GPRC6A: variants seen among roughly 807,000 people sequenced by gnomAD.
The protein encoded by GPRC6A is G protein-coupled receptor family C group 6 member A.
A neutral mutation model predicts 47.0 loss-of-function variants in GPRC6A; 54 were observed. The observed-to-expected ratio is 1.15, with a 90% CI of 0.92 to 1.44. The LOEUF (loss-of-function observed/expected upper bound fraction) is 1.44. Ranked by LOEUF, GPRC6A falls within the 40% of genes most tolerant of loss-of-function variation. The pLI is 0.00. For missense variants in GPRC6A, 1,112 were observed against 1,105.5 expected (o/e 1.01, Z -0.08); for synonymous variants, 347 against 377.1 (o/e 0.92, Z 0.93).
chr6:116,807,577 A>G (rs1483304876), intron 2 of GPRC6A, among the ~76,000 whole-genome samples: 1 of 152,206 alleles, frequency 6.6e-6, no homozygotes, highest in Non-Finnish European at 1.5e-5. Flanking sequence ...CAGTGTGTGC[A>G]AAATCTTGTC....
chr6:116,804,393 T>C (rs1307267575), intron 3 of GPRC6A, among the ~76,000 whole-genome samples: 1 of 152,144 alleles, frequency 6.6e-6, no homozygotes, highest in African/African-American at 2.4e-5. Context: ...TAGTGAATTT[T>C]GCTAGGGTAC....
chr6:116,818,617 A>G (rs1463386480), intron 1 of GPRC6A, among the ~76,000 whole-genome samples: 1 of 149,892 alleles, frequency 6.7e-6, no homozygotes, highest in Admixed American at 6.7e-5. Context: ...AAGCTTCATA[A>G]GCAAAGGAGA....
chr6:116,798,378 G>A (rs537334421), intron 4 of GPRC6A, among the ~76,000 whole-genome samples: 1 of 152,290 alleles, frequency 6.6e-6, no homozygotes, highest in Admixed American at 6.5e-5. Context: ...GCTATGAGAA[G>A]GGAAGCATGC....
intron 1 of GPRC6A, among the ~76,000 whole-genome samples, chr6:116,813,519 G>C (rs563350739): frequency 6.6e-6 from 1 of 152,188 alleles, no homozygotes; most frequent in Admixed American, 6.5e-5. Context: ...GGGATTCCCT[G>C]TTTAATAAAT....
intron 3 of GPRC6A, among the ~76,000 whole-genome samples, chr6:116,801,343 A>G (rs1318767583): frequency 1.3e-5 from 2 of 152,312 alleles, no homozygotes; most frequent in East Asian, 3.9e-4. Context: ...CTTGTATACT[A>G]TAGAGTTAGG....
At chr6:116,828,768 C>G (rs1380137309) in intron 1 of GPRC6A, 52 bp downstream of exon 1, 3 of 1,477,180 alleles carry the variant, frequency 2.0e-6, no homozygotes, top group African/African-American at 2.8e-5. Context: ...TTTATATGTC[C>G]TAGTCTCATG....
chr6:116,826,143 G>A (rs1308859317), intron 1 of GPRC6A, among the ~76,000 whole-genome samples: 1 of 151,782 alleles, frequency 6.6e-6, no homozygotes, highest in African/African-American at 2.4e-5. Flanking sequence ...CAAAGATTTT[G>A]CGGGTAAGAC....
chr6:116,815,701 A>G (rs1209978674), intron 1 of GPRC6A, among the ~76,000 whole-genome samples: 1 of 152,228 alleles, frequency 6.6e-6, no homozygotes, highest in African/African-American at 2.4e-5. Flanking sequence ...ATTAGAAATA[A>G]CAACAAGAGG....
chr6:116,799,777 ATGAT>A (rs2114584468), intron 4 of GPRC6A, among the ~76,000 whole-genome samples: 1 of 152,312 alleles, frequency 6.6e-6, no homozygotes, highest in South Asian at 2.1e-4. Flanking sequence ...AGAAGAAAGA[ATGAT>A]TGAGAATAAA....
chr6:116,807,078 G>A lies in GPRC6A; in HGVS notation c.627C>T (p.Asn209=), dbSNP rs772965129. ...CATCTGTGGTTATGATGCCAATCCA[G>A]TTCCAACCAGATTTCTGAATCAGGT... is the stretch of plus-strand genomic sequence containing the variant. ...MAHLIQKSGW[N]WIGIITTDDD... The change falls in exon 3 of 6, where the codon AAC becomes AAT. Residue 209 remains asparagine (N), a synonymous_variant. Transcript: ENST00000310357. The A allele has an allele frequency of 8.1e-6, 13 of 1,613,526 alleles. No individual in the cohort carries two copies. The highest frequency in any genetic ancestry group is 1.1e-5 in the Non-Finnish European group (13 of 1,179,672).
At position 116,792,259 on chromosome 6, in the gene GPRC6A, C is replaced by G. The variant is rs1469295879; in HGVS notation, c.2664G>C (p.Lys888Asn). 1.2e-6 allele frequency: 2 copies of G among 1,613,922 alleles called. No homozygotes were observed. The highest frequency in any genetic ancestry group is 1.7e-6 in the Non-Finnish European group (2 of 1,179,962). Residue 888 changes from lysine (K) to asparagine (N), a missense_variant, in exon 6 of 6, where the codon AAG becomes AAC. Transcript: ENST00000310357. ...CTTTGCTTTTCTGCCAGGTTGCAGA[C>G]TTGCCACTAGAGCTGGGATTGGTCA... ...VTMTNPSSSG[K>N]SATWQKSKDL...
chr6:116,820,383 A>C (rs555381237), intron 1 of GPRC6A, among the ~76,000 whole-genome samples: 1 of 152,056 alleles, frequency 6.6e-6, no homozygotes, highest in African/African-American at 2.4e-5. Context: ...TCTGATACCA[A>C]AGCTGGGCAG....
At chr6:116,816,407 T>C (rs1385596163) in intron 1 of GPRC6A, among the ~76,000 whole-genome samples, 1 of 152,172 alleles carries the variant, frequency 6.6e-6, no homozygotes, top group Non-Finnish European at 1.5e-5. Flanking sequence ...AGCTCCAAAA[T>C]AATCTCTTTT....
At chr6:116,801,198 T>G (rs1268354537) in intron 3 of GPRC6A, among the ~76,000 whole-genome samples, 1 of 152,166 alleles carries the variant, frequency 6.6e-6, no homozygotes, top group African/African-American at 2.4e-5. Context: ...TTTGTTTCAA[T>G]GATTGAGTAT....
Position 116,793,208 on chromosome 6 carries a change from G to T in GPRC6A, c.1715C>A (p.Ala572Asp). The part of the protein sequence containing the change: ...CLLCNNKTHW[A>D]PVRSTMCFEK... ...AAAGCACATAGTGCTCCTAACAGGG[G>T]CCCAGTGAGTTTTGTTGTTGCATAA... The change falls in exon 6 of 6, where the codon GCC becomes GAC. Residue 572 changes from alanine (A) to aspartate (D), a missense_variant. Transcript: ENST00000310357. 4 of 1,606,040 alleles carry T rather than the reference G, an allele frequency of 2.5e-6. No homozygotes were observed. Among genetic ancestry groups the T allele is most frequent in the East Asian group, 2.2e-5 (1 of 44,802 alleles).
At chr6:116,823,249 A>C (rs1022024938) in intron 1 of GPRC6A, among the ~76,000 whole-genome samples, 1 of 152,128 alleles carries the variant, frequency 6.6e-6, no homozygotes, top group Non-Finnish European at 1.5e-5. Flanking sequence ...CAGCCAGGCA[A>C]ATTCTTGACT....
At chr6:116,822,978 G>C (rs1436110868) in intron 1 of GPRC6A, among the ~76,000 whole-genome samples, 1 of 150,948 alleles carries the variant, frequency 6.6e-6, no homozygotes, top group Non-Finnish European at 1.5e-5. Flanking sequence ...CTGCCATGGA[G>C]GTCTCTGAAA....
intron 2 of GPRC6A, among the ~76,000 whole-genome samples, chr6:116,808,454 T>A (rs1772922207): frequency 6.6e-6 from 1 of 152,156 alleles, no homozygotes; most frequent in Non-Finnish European, 1.5e-5. Context: ...GATAAATAGT[T>A]CTTTTTGTTT....
chr6:116,802,396 A>C (rs1398901146), intron 3 of GPRC6A, among the ~76,000 whole-genome samples: 2 of 152,178 alleles, frequency 1.3e-5, no homozygotes, highest in African/African-American at 4.8e-5. Flanking sequence ...TGACACTACA[A>C]AATTTAGAGA....
Sources: allele counts gnomAD v4.1 joint callset (sites outside exome capture counted in the v4.1 genomes callset), GRCh38; gene constraint gnomAD v4.1.1; transcripts MANE v1.5; gene names NCBI Gene and HGNC (gene_info 2026-07-23, HGNC 2026-07-21).